The following DTX1 variants were observed in gnomAD, a reference collection of about 807,000 sequenced individuals.
DTX1 encodes E3 ubiquitin-protein ligase DTX1.
In DTX1, 26 loss-of-function variants were observed where a neutral mutation model predicts 57.8. The ratio of observed to expected loss-of-function variants is 0.45; its 90% CI spans 0.33 to 0.62. The LOEUF is 0.62. Among genes scored for constraint, DTX1 ranks in the 20% least tolerant of loss-of-function variants. The pLI, the probability that DTX1 is intolerant of heterozygous loss-of-function variation, is 0.02. For synonymous variants in DTX1, 398 were observed against 394.1 expected, an observed-to-expected ratio of 1.01 and a Z score of -0.12; for missense variants, 704 against 895.3, an observed-to-expected ratio of 0.79 and a Z score of 2.73.
At chr12:113,096,204 C>CA (rs780078089) in intron 9 of DTX1, among the ~76,000 whole-genome samples, 16,233 of 142,790 alleles carry the variant, frequency 0.11, 1,061 homozygotes, top group Middle Eastern at 0.21. Flanking sequence ...GACTCCATCA[C>CA]AAAAAAAAAA....
Position 113,094,115 on chromosome 12 carries a change from G to C in DTX1, c.1227+16G>C. On this transcript the variant is annotated intron_variant, in intron 6 of 9. Transcript: ENST00000548759. ...ACCTGATGAGGTGAGGAGGGGATGG[G>C]GGGGCTGGGGGAGGGCCCTGGCATG... 8 of 1,489,942 alleles carry C rather than the reference G, an allele frequency of 5.4e-6. No homozygotes were observed. Among genetic ancestry groups the C allele is most frequent in the South Asian group, 1.2e-5 (1 of 83,218 alleles). The allele number at this position is 1,489,942 out of a possible 1,614,324, so 92.3% of individuals were successfully genotyped here.
intron 2 of DTX1, among the ~76,000 whole-genome samples, chr12:113,067,043 G>T (rs2044708299): frequency 6.6e-6 from 1 of 152,038 alleles, no homozygotes; most frequent in Admixed American, 6.5e-5. Context: ...GCAGTGGCAG[G>T]CCGGTGACGG....
rs1950266742 is a variant in DTX1 at position 113,094,063 on chromosome 12, A to G, written c.1191A>G (p.Arg397=). 1.3e-6 allele frequency: 2 copies of G among 1,574,088 alleles called. No individual in the cohort carries two copies. Among genetic ancestry groups the G allele is most frequent in the Non-Finnish European group, 1.7e-6 (2 of 1,158,684 alleles). The stretch of plus-strand genomic sequence containing the variant: ...GTAAGAATCCCGAGGATGTGGTTCG[A>G]AGATACATGCAGAAGGTGAAAAACC... ...KKSKNPEDVV[R]RYMQKVKNPP... The change falls in exon 6 of 10, where the codon CGA becomes CGG. Residue 397 remains arginine, a synonymous_variant. Transcript: ENST00000548759.
chr12:113,075,141 G>A (rs1252117453), intron 2 of DTX1, among the ~76,000 whole-genome samples: 1 of 152,204 alleles, frequency 6.6e-6, no homozygotes, highest in Admixed American at 6.5e-5. Context: ...GCTGGCAAAC[G>A]CAGCAGTCTT....
Position 113,058,026 on chromosome 12 carries a change from T to G in DTX1, c.-167T>G. The G allele has an allele frequency of 8.8e-7, 1 of 1,141,696 alleles. No homozygotes were observed. The highest frequency in any genetic ancestry group is 2.6e-5 in the East Asian group (1 of 38,524). The allele number at this position is 1,141,696 out of a possible 1,614,324, so 70.7% of individuals were successfully genotyped here. Reference sequence around the variant, plus strand: ...TGCAGCCTGGATGGCCATCCCACATTCCTTTAACGGAGGTCTCTAGGCCTC... The same window carrying G: ...TGCAGCCTGGATGGCCATCCCACATGCCTTTAACGGAGGTCTCTAGGCCTC... On this transcript the variant is annotated 5_prime_UTR_variant, in exon 2 of 10. The change creates a new upstream start codon in the 5' untranslated region. Transcript: ENST00000548759.
intron 2 of DTX1, among the ~76,000 whole-genome samples, chr12:113,065,055 G>A (rs1049706935): frequency 3.9e-5 from 6 of 152,184 alleles, no homozygotes; most frequent in African/African-American, 1.4e-4. Context: ...ATAGGGGATG[G>A]GTAGAGGAGG....
chr12:113,085,506 G>A lies in DTX1; in HGVS notation c.941+7401G>A, dbSNP rs2044850701. On this transcript the variant is annotated intron_variant, in intron 3 of 9. Transcript: ENST00000548759. The stretch of plus-strand genomic sequence containing the variant: ...GAACTTTTTCCTGTTTACTGGCCAT[G>A]AGTGGTTCCTTCTTTTGCCAATTAC... 1.3e-5 allele frequency among the ~76,000 whole-genome samples: 2 copies of A among 152,184 alleles called. 1 individual carries two copies. The highest frequency in any genetic ancestry group is 6.3e-3 in the Middle Eastern group (2 of 316).
At chr12:113,087,590 G>A (rs750862912) in intron 3 of DTX1, among the ~76,000 whole-genome samples, 1 of 152,072 alleles carries the variant, frequency 6.6e-6, no homozygotes, top group Non-Finnish European at 1.5e-5. Flanking sequence ...GAAAGGGAGA[G>A]GGTGGGGGGT....
intron 2 of DTX1, among the ~76,000 whole-genome samples, chr12:113,073,693 G>A (rs1469692951): frequency 6.6e-6 from 1 of 152,226 alleles, no homozygotes; most frequent in Non-Finnish European, 1.5e-5. Flanking sequence ...TCAGCCCTGA[G>A]TAGGGACACA....
chr12:113,094,120 CTGGGGGA>C, intron 6 of DTX1, 21 bp downstream of exon 6: 1 of 528,222 alleles, frequency 1.9e-6, no homozygotes, highest in Non-Finnish European at 3.6e-6. Flanking sequence ...GATGGGGGGG[CTGGGGGA>C]GGGCCCTGGC....
chr12:113,074,920 T>A (rs1469772307), intron 2 of DTX1, among the ~76,000 whole-genome samples: 1 of 152,064 alleles, frequency 6.6e-6, no homozygotes, highest in Non-Finnish European at 1.5e-5. Flanking sequence ...CAGGAATTGC[T>A]ATGTGAAGAC....
chr12:113,078,253 T>A, intron 3 of DTX1, 148 bp downstream of exon 3: 3 of 722,806 alleles, frequency 4.2e-6, no homozygotes, highest in Non-Finnish European at 5.4e-6. Flanking sequence ...ATGTTCATTT[T>A]GTGCCAAGCA....
Position 113,093,407 on chromosome 12 carries a change from G to C in DTX1, c.1004-132G>C. The stretch of plus-strand genomic sequence containing the variant: ...AGAAAGGCCCTTCAGGGGCCTTCAA[G>C]GGGCTGAGTGGGTGGGGCCCAAGAG... On this transcript the variant is annotated intron_variant, in intron 4 of 9. Coordinates refer to ENST00000548759, the MANE Select transcript of DTX1 (RefSeq NM_004416.3). This position sits in a 1 kb window ranked among gnomAD's most constrained non-coding sequence, Gnocchi z 4.2. 5 of 1,365,236 alleles carry C rather than the reference G, an allele frequency of 3.7e-6. No individual in the cohort carries two copies. Among genetic ancestry groups the C allele is most frequent in the Non-Finnish European group, 3.9e-6 (4 of 1,030,602 alleles). 84.6% of individuals were successfully genotyped at this position (1,365,236 alleles called of 1,614,324 possible). A position where few individuals can be genotyped will look rare whatever the true frequency, so the allele number is the denominator to read the frequency against.
chr12:113,073,127 G>A (rs1026109566), intron 2 of DTX1, among the ~76,000 whole-genome samples: 13 of 152,226 alleles, frequency 8.5e-5, no homozygotes, highest in African/African-American at 3.1e-4. Context: ...GGTTCCCATT[G>A]CTTCCCTTCC....
intron 3 of DTX1, among the ~76,000 whole-genome samples, chr12:113,080,837 C>T (rs1732693925): frequency 6.6e-6 from 1 of 151,794 alleles, no homozygotes; most frequent in South Asian, 2.1e-4. Context: ...ATTAGCCAGG[C>T]AGGGTGGTGT....
rs565560747 is a variant in DTX1 at position 113,075,214 on chromosome 12, T to C, written c.260-2210T>C. Among the ~76,000 whole-genome samples, 50 of 152,254 alleles carry C rather than the reference T, an allele frequency of 3.3e-4. 1 individual carries two copies. In the South Asian group the frequency reaches 4.8e-3, roughly 15 times the overall value. ...AAAACTGGGGCCCAGAGATGCTGAG[T>C]TGCCTACGCACAGTCACAGAGCTGG... is the stretch of plus-strand genomic sequence containing the variant. On this transcript the variant is annotated intron_variant, in intron 2 of 9. Coordinates refer to ENST00000548759, the MANE Select transcript of DTX1 (RefSeq NM_004416.3).
At chr12:113,058,479 C>T (rs781208725) in intron 2 of DTX1, 28 bp downstream of exon 2, 30 of 1,567,186 alleles carry the variant, frequency 1.9e-5, no homozygotes, top group Admixed American at 8.5e-5. Context: ...CCATGCCACC[C>T]GCCCCGCCGA....
At chr12:113,075,330 C>T (rs766078692) in intron 2 of DTX1, among the ~76,000 whole-genome samples, 28 of 152,218 alleles carry the variant, frequency 1.8e-4, no homozygotes, top group African/African-American at 6.5e-4. Flanking sequence ...CTCACTCACT[C>T]CTCCCCCAAA....
In DTX1 at chr12:113,097,245, A is replaced by C; in HGVS notation, c.*306A>C. On this transcript the variant is annotated 3_prime_UTR_variant, in exon 10 of 10. Coordinates refer to ENST00000548759, the MANE Select transcript of DTX1 (RefSeq NM_004416.3). ...CTGTTGAACTCATGCACGCACACCC[A>C]CGTGCCTGTACTTGCCCCCAGGCTG... 6.2e-6 allele frequency: 2 copies of C among 322,100 alleles called. No homozygotes were observed. The highest frequency in any genetic ancestry group is 5.8e-6 in the Non-Finnish European group (1 of 173,586). 20.0% of individuals were successfully genotyped at this position (322,100 alleles called of 1,614,324 possible).
Sources: allele counts gnomAD v4.1 joint callset (sites outside exome capture counted in the v4.1 genomes callset), GRCh38; gene constraint gnomAD v4.1.1; non-coding constraint Gnocchi (gnomAD v3.1); transcripts MANE v1.5; gene names NCBI Gene and HGNC (gene_info 2026-07-23, HGNC 2026-07-21).